FEZ2: variants seen among roughly 807,000 people sequenced by gnomAD.
The protein encoded by FEZ2 is fasciculation and elongation protein zeta-2.
In FEZ2, 51 loss-of-function variants were observed where a neutral mutation model predicts 40.4. The observed-to-expected ratio is 1.26, with a 90% CI of 1.01 to 1.59. The LOEUF (loss-of-function observed/expected upper bound fraction) is 1.59. Among genes scored for constraint, FEZ2 ranks in the 40% most tolerant of loss-of-function variants. The probability of loss-of-function intolerance (pLI) is 0.00; values close to 1 mark genes in which losing one functional copy is unlikely to be tolerated. For synonymous variants in FEZ2, 242 were observed against 172.0 expected, an observed-to-expected ratio of 1.41 and a Z score of -3.18; for missense variants, 640 against 438.3, an observed-to-expected ratio of 1.46 and a Z score of -4.11.
intron 7 of FEZ2, among the ~76,000 whole-genome samples, chr2:36,555,131 A>G (rs1667922686): frequency 6.6e-6 from 1 of 152,120 alleles, no homozygotes; most frequent in African/African-American, 2.4e-5. Flanking sequence ...ACCCTGTGTG[A>G]GCCTCACCTT....
rs887177059 is a variant in FEZ2 at position 36,585,539 on chromosome 2, T to C, written c.376-2070A>G. On this transcript the variant is annotated intron_variant, in intron 2 of 7. Coordinates refer to ENST00000405912, the MANE Select transcript of FEZ2 (RefSeq NM_005102.3). Reference sequence around the variant, plus strand: ...GGGAGAGCAGAAGGACTAGATAGATTACCTAGTGCGGTCCATTTACTAAAA... The same window carrying C: ...GGGAGAGCAGAAGGACTAGATAGATCACCTAGTGCGGTCCATTTACTAAAA... 1.1e-4 allele frequency among the ~76,000 whole-genome samples: 17 copies of C among 152,280 alleles called. No homozygotes were observed. The East Asian group carries it at 3.1e-3, about 28-fold the overall frequency.
intron 1 of FEZ2, chr2:36,594,572 A>T (rs1294454885): frequency 6.5e-6 from 1 of 154,606 alleles, no homozygotes; most frequent in Admixed American, 6.5e-5. Flanking sequence ...AGAATAGCAT[A>T]GGAAAGACCA....
chr2:36,568,115 G>A (rs1025737567), intron 5 of FEZ2, among the ~76,000 whole-genome samples: 2 of 152,130 alleles, frequency 1.3e-5, no homozygotes, highest in African/African-American at 4.8e-5. Flanking sequence ...CTGGGCCAGA[G>A]GGAAGATTTT....
chr2:36,592,252 G>A (rs1188276359), intron 1 of FEZ2, among the ~76,000 whole-genome samples: 4 of 152,070 alleles, frequency 2.6e-5, no homozygotes, highest in Non-Finnish European at 5.9e-5. Flanking sequence ...AACAATCCTG[G>A]CTGGGGCATA....
At chr2:36,577,654 C>A (rs1354238487) in intron 5 of FEZ2, among the ~76,000 whole-genome samples, 4 of 152,220 alleles carry the variant, frequency 2.6e-5, no homozygotes, top group African/African-American at 7.2e-5. Flanking sequence ...TATGGTAAGA[C>A]TCTTTTTGTG....
chr2:36,591,644 G>C (rs1669075582), intron 1 of FEZ2: 1 of 152,298 alleles, frequency 6.6e-6, no homozygotes, highest in African/African-American at 2.4e-5. Flanking sequence ...AGAAAGAGAG[G>C]GAGTTCACAA....
intron 3 of FEZ2, 49 bp from the exon 4 acceptor site, chr2:36,581,480 G>C (rs1558454304): frequency 6.4e-7 from 1 of 1,563,182 alleles, no homozygotes; most frequent in South Asian, 1.1e-5. Flanking sequence ...AAAGGAAAAT[G>C]ATCTATCTGG....
intron 4 of FEZ2, 100 bp downstream of exon 4, chr2:36,581,190 C>G: frequency 8.9e-7 from 1 of 1,120,738 alleles, no homozygotes; most frequent in East Asian, 2.4e-5. Context: ...CAAACACAAA[C>G]AGAAGGAGGA....
intron 2 of FEZ2, chr2:36,589,570 C>T (rs1438568335): frequency 6.6e-6 from 1 of 152,198 alleles, no homozygotes; most frequent in Non-Finnish European, 1.5e-5. Flanking sequence ...GAAACTTGAA[C>T]TAAGCCCAAA....
intron 1 of FEZ2, chr2:36,591,648 T>C (rs910961482): frequency 6.6e-6 from 1 of 151,566 alleles, no homozygotes; most frequent in Non-Finnish European, 1.5e-5. Flanking sequence ...AGAGAGGGAG[T>C]TCACAATAAA....
At chr2:36,592,644 CAAAAA>C (rs34717975) in intron 1 of FEZ2, among the ~76,000 whole-genome samples, 4 of 74,600 alleles carry the variant, frequency 5.4e-5, no homozygotes, top group African/African-American at 2.0e-4. Context: ...CACATCTCTA[CAAAAA>C]AAAAAAAAAA....
At chr2:36,595,448 C>A (rs780648155) in intron 1 of FEZ2, among the ~76,000 whole-genome samples, 4 of 152,106 alleles carry the variant, frequency 2.6e-5, no homozygotes, top group Non-Finnish European at 4.4e-5. Flanking sequence ...AGGGTTCACG[C>A]TCCTATGAGA....
At chr2:36,568,859 G>A (rs1487483581) in intron 5 of FEZ2, among the ~76,000 whole-genome samples, 1 of 152,078 alleles carries the variant, frequency 6.6e-6, no homozygotes, top group East Asian at 1.9e-4. Context: ...GTCCTTATCT[G>A]GAAACTTTTC....
chr2:36,581,180 C>A, intron 4 of FEZ2, 110 bp downstream of exon 4: 2 of 1,061,036 alleles, frequency 1.9e-6, no homozygotes, highest in Middle Eastern at 4.2e-4. Context: ...AATTTGGACA[C>A]AAACACAAAC....
At chr2:36,554,345 T>TA (rs1667899612) in intron 7 of FEZ2, 1 of 470,676 alleles carries the variant, frequency 2.1e-6, no homozygotes, top group South Asian at 1.5e-5. Context: ...TCCATGCAGT[T>TA]AAATGCTAAA....
At chr2:36,586,511 C>CA (rs1285566878) in intron 2 of FEZ2, among the ~76,000 whole-genome samples, 1 of 151,708 alleles carries the variant, frequency 6.6e-6, no homozygotes, top group Admixed American at 6.6e-5. Flanking sequence ...CCTGTAGTCC[C>CA]AGCTATTCAG....
chr2:36,566,233 G>A (rs1018534279), intron 5 of FEZ2, among the ~76,000 whole-genome samples: 2 of 152,046 alleles, frequency 1.3e-5, no homozygotes, highest in South Asian at 2.1e-4. Flanking sequence ...CCAGCTACTC[G>A]GGAGGCTGAG....
intron 2 of FEZ2, among the ~76,000 whole-genome samples, chr2:36,586,244 C>G (rs1473102388): frequency 6.6e-6 from 1 of 152,166 alleles, no homozygotes. Context: ...CACTTCACAC[C>G]CCCTTCCCAA....
chr2:36,597,827 G>T (rs1020009083), intron 1 of FEZ2, 50 bp downstream of exon 1: 4 of 1,284,728 alleles, frequency 3.1e-6, no homozygotes, highest in East Asian at 3.2e-5. Context: ...CCGGTCGGGC[G>T]AGGGGTAGGG....
Sources: allele counts gnomAD v4.1 joint callset (sites outside exome capture counted in the v4.1 genomes callset), GRCh38; gene constraint gnomAD v4.1.1; transcripts MANE v1.5; gene names NCBI Gene and HGNC (gene_info 2026-07-23, HGNC 2026-07-21).